GSAP: variants seen among roughly 807,000 people sequenced by gnomAD.
The protein encoded by GSAP is gamma-secretase-activating protein.
In GSAP, 118 loss-of-function variants were observed where a neutral mutation model predicts 131.7. That is an observed-to-expected ratio of 0.90 (90% confidence interval 0.77 to 1.04). The LOEUF is 1.04. Among genes scored for constraint, GSAP ranks in the 50% least tolerant of loss-of-function variants. GSAP has a pLI of 0.00. For missense variants in GSAP, 1,019 were observed against 1,013.2 expected, an observed-to-expected ratio of 1.01 and a Z score of -0.08; for synonymous variants, 381 against 363.4, an observed-to-expected ratio of 1.05 and a Z score of -0.55.
At chr7:77,414,844 C>CTTTTTTTT (rs57095326) in intron 1 of GSAP, among the ~76,000 whole-genome samples, 1,238 of 59,832 alleles carry the variant, frequency 0.021, 240 homozygotes, top group East Asian at 0.08. Context: ...ATGTGGGCGA[C>CTTTTTTTT]TTTTTTTTTT....
intron 10 of GSAP, among the ~76,000 whole-genome samples, chr7:77,376,310 T>C (rs1181896): frequency 0.89 from 135,118 of 152,264 alleles, 60,281 homozygotes; most frequent in African/African-American, 0.96. Flanking sequence ...GTGAAGCATT[T>C]AGTTACTGGA....
Position 77,311,353 on chromosome 7 carries a change from C to T in GSAP, c.*5G>A. On this transcript the variant is annotated 3_prime_UTR_variant, in exon 31 of 31. Transcript: ENST00000257626. Reference sequence around the variant, plus strand: ...GCAGCAGCAGATCCAATTGCGTTTTCTTTTTCATAAGCCTAAAAGCATCGC... The same window carrying T: ...GCAGCAGCAGATCCAATTGCGTTTTTTTTTTCATAAGCCTAAAAGCATCGC... 1.9e-6 allele frequency: 3 copies of T among 1,578,840 alleles called. No homozygotes were observed. Among genetic ancestry groups the T allele is most frequent in the Non-Finnish European group, 2.6e-6 (3 of 1,148,372 alleles).
intron 18 of GSAP, chr7:77,351,799 G>T: frequency 1.2e-6 from 1 of 820,608 alleles, no homozygotes; most frequent in Non-Finnish European, 1.5e-6. Context: ...AGTGGTCCCA[G>T]CTGCCTCCTG....
chr7:77,311,543 T>C, intron 30 of GSAP, 94 bp from the exon 31 acceptor site: 1 of 660,944 alleles, frequency 1.5e-6, no homozygotes. Context: ...AAAATCATAA[T>C]TGTATTTTAG....
At chr7:77,365,445 A>G (rs7790802) in intron 12 of GSAP, among the ~76,000 whole-genome samples, 20,169 of 152,024 alleles carry the variant, frequency 0.13, 1,787 homozygotes, top group African/African-American at 0.25. Context: ...AGGAGTTCTC[A>G]TCATTTAGCT....
At chr7:77,388,033 A>G (rs973479349) in intron 5 of GSAP, among the ~76,000 whole-genome samples, 25 of 152,378 alleles carry the variant, frequency 1.6e-4, no homozygotes, top group African/African-American at 5.8e-4. Flanking sequence ...CTTTCTGAAA[A>G]TATAAATATG....
intron 19 of GSAP, chr7:77,330,929 G>A (rs1789046243): frequency 5.8e-6 from 5 of 868,390 alleles, no homozygotes; most frequent in Non-Finnish European, 4.1e-6. Flanking sequence ...ATTCTATCTA[G>A]ATCTTTGAAT....
Position 77,404,549 on chromosome 7 carries a change from T to C in GSAP, c.243+10A>G, listed in dbSNP as rs775740732. 3.4e-6 allele frequency: 5 copies of C among 1,461,308 alleles called. No homozygotes were observed. The highest frequency in any genetic ancestry group is 2.3e-5 in the East Asian group (1 of 44,094). The allele number at this position is 1,461,308 out of a possible 1,614,324, so 90.5% of individuals were successfully genotyped here. A position where few individuals can be genotyped will look rare whatever the true frequency, so the allele number is the denominator to read the frequency against. On this transcript the variant is annotated intron_variant, in intron 3 of 30. Coordinates refer to ENST00000257626, the MANE Select transcript of GSAP (RefSeq NM_017439.4). The stretch of plus-strand genomic sequence containing the variant: ...AGTAAAGTAACCAATGAGTAATCTA[T>C]GATTTTTACCTCATTTTGTCTGGTT...
At chr7:77,376,934 TA>T (rs373036313) in intron 9 of GSAP, 27 bp from the exon 10 acceptor site, 1 of 1,245,634 alleles carries the variant, frequency 8.0e-7, no homozygotes, top group South Asian at 1.3e-5. Context: ...AATGGCATAT[TA>T]AAAAACCAGG....
chr7:77,361,021 T>G, intron 13 of GSAP, 120 bp from the exon 14 acceptor site: 1 of 638,542 alleles, frequency 1.6e-6, no homozygotes, highest in Non-Finnish European at 2.9e-6. Flanking sequence ...GCAGGCATCT[T>G]CAGACTTCTA....
At chr7:77,391,141 A>AG (rs899255524) in intron 5 of GSAP, among the ~76,000 whole-genome samples, 5 of 149,112 alleles carry the variant, frequency 3.4e-5, no homozygotes, top group South Asian at 2.1e-4. Context: ...AAAAAAAAAA[A>AG]AAAAAAGAAA....
intron 29 of GSAP, 71 bp downstream of exon 29, chr7:77,312,030 T>C (rs1048385056): frequency 4.2e-5 from 50 of 1,195,782 alleles, no homozygotes; most frequent in Admixed American, 8.8e-5. Flanking sequence ...TTGCTGTCCA[T>C]ACAGATATGT....
intron 18 of GSAP, chr7:77,351,436 A>T (rs961541353): frequency 3.0e-6 from 3 of 983,770 alleles, no homozygotes; most frequent in Non-Finnish European, 3.6e-6. Flanking sequence ...TAGCATTAAG[A>T]ACATTTGCAG....
At chr7:77,379,058 G>A (rs926890399) in intron 8 of GSAP, among the ~76,000 whole-genome samples, 5 of 152,096 alleles carry the variant, frequency 3.3e-5, no homozygotes, top group Admixed American at 3.3e-4. Flanking sequence ...TTAGACAAGA[G>A]GAAAGTGATG....
At chr7:77,389,854 A>G (rs1025852935) in intron 5 of GSAP, among the ~76,000 whole-genome samples, 15 of 152,198 alleles carry the variant, frequency 9.9e-5, no homozygotes, top group African/African-American at 2.4e-4. Flanking sequence ...TTGAGGAATC[A>G]CCACACTGTC....
chr7:77,311,661 G>A (rs554227155), intron 30 of GSAP, 180 bp downstream of exon 30: 3 of 590,458 alleles, frequency 5.1e-6, no homozygotes, highest in African/African-American at 3.7e-5. Flanking sequence ...AAACTTCAGA[G>A]GTGATTATTT....
chr7:77,394,651 T>C (rs541361502), intron 5 of GSAP, among the ~76,000 whole-genome samples: 1 of 152,312 alleles, frequency 6.6e-6, no homozygotes, highest in South Asian at 2.1e-4. Flanking sequence ...AAATGGGGCA[T>C]TATCAAATTA....
chr7:77,370,840 A>AC (rs139349697), intron 12 of GSAP, among the ~76,000 whole-genome samples: 4,390 of 152,088 alleles, frequency 0.029, 213 homozygotes, highest in African/African-American at 0.099. Flanking sequence ...AGTGGACTCC[A>AC]CCTCTCACTA....
intron 19 of GSAP, among the ~76,000 whole-genome samples, chr7:77,346,287 A>AAAAAAAAG (rs1554395428): frequency 1.3e-5 from 2 of 150,424 alleles, no homozygotes; most frequent in East Asian, 2.0e-4. Context: ...AAAAAAAAAA[A>AAAAAAAAG]AAAGAAAGAA....
Sources: allele counts gnomAD v4.1 joint callset (sites outside exome capture counted in the v4.1 genomes callset), GRCh38; gene constraint gnomAD v4.1.1; transcripts MANE v1.5; gene names NCBI Gene and HGNC (gene_info 2026-07-23, HGNC 2026-07-21).